The following KLHL8 variants were observed in gnomAD, a reference collection of about 807,000 sequenced individuals.
KLHL8 encodes kelch like family member 8.
Under a neutral mutation model 63.5 loss-of-function variants are expected in KLHL8, and 38 were observed. That is an observed-to-expected ratio of 0.60 (90% CI 0.46 to 0.78). The LOEUF is 0.78. KLHL8 is among the 30% of genes least tolerant of loss of function. The pLI is 0.00. For synonymous variants in KLHL8, 224 were observed against 254.3 expected, an observed-to-expected ratio of 0.88 and a Z score of 1.13; for missense variants, 566 against 752.4, an observed-to-expected ratio of 0.75 and a Z score of 2.90.
At chr4:87,188,286 A>G (rs1025921364) in intron 2 of KLHL8, among the ~76,000 whole-genome samples, 10 of 152,224 alleles carry the variant, frequency 6.6e-5, no homozygotes, top group African/African-American at 2.2e-4. Context: ...TTCAGTTTCT[A>G]TGCAAATATT....
chr4:87,213,636 C>G (rs1732488695), intron 1 of KLHL8, among the ~76,000 whole-genome samples: 1 of 152,114 alleles, frequency 6.6e-6, no homozygotes, highest in Non-Finnish European at 1.5e-5. Context: ...CTCTCTGTGT[C>G]TCAATGTCTT....
At chr4:87,227,516 G>C in intron 1 of KLHL8, among the ~76,000 whole-genome samples, 1 of 152,146 alleles carries the variant, frequency 6.6e-6, no homozygotes, top group East Asian at 1.9e-4. Context: ...CAGTGGTGTT[G>C]GTATGTACCT....
chr4:87,223,625 T>G (rs1041060656), upstream of KLHL8, among the ~76,000 whole-genome samples: 2 of 152,096 alleles, frequency 1.3e-5, no homozygotes, highest in African/African-American at 4.8e-5. Flanking sequence ...AAGATACACC[T>G]AATCTAGAGC....
At chr4:87,236,090 G>T (rs1733222488) in intron 1 of KLHL8, among the ~76,000 whole-genome samples, 1 of 152,108 alleles carries the variant, frequency 6.6e-6, no homozygotes, top group Non-Finnish European at 1.5e-5. Context: ...TTGACACGAG[G>T]TTCAAACAAC....
At chr4:87,172,542 C>T (rs1457366812) in intron 6 of KLHL8, among the ~76,000 whole-genome samples, 1 of 152,120 alleles carries the variant, frequency 6.6e-6, no homozygotes, top group East Asian at 1.9e-4. Flanking sequence ...AAATTTTATC[C>T]CATTCACCAT....
intron 1 of KLHL8, among the ~76,000 whole-genome samples, chr4:87,200,159 A>C (rs991137067): frequency 8.1e-5 from 12 of 148,228 alleles, no homozygotes; most frequent in Non-Finnish European, 1.2e-4. Context: ...AAAAAAAAAA[A>C]AGAAAAAAAA....
At chr4:87,228,499 A>G (rs1438868164) in intron 1 of KLHL8, among the ~76,000 whole-genome samples, 3 of 152,242 alleles carry the variant, frequency 2.0e-5, no homozygotes, top group African/African-American at 7.2e-5. Flanking sequence ...AAACAGTCTC[A>G]CTAAAGACCT....
chr4:87,195,181 T>TAA, intron 2 of KLHL8, 143 bp downstream of exon 2: 1 of 597,528 alleles, frequency 1.7e-6, no homozygotes, highest in South Asian at 2.2e-5. Context: ...TCTCCTACAC[T>TAA]AAAAAAAAAG....
At chr4:87,201,078 T>C (rs936821639) in intron 1 of KLHL8, among the ~76,000 whole-genome samples, 2 of 152,164 alleles carry the variant, frequency 1.3e-5, no homozygotes, top group Non-Finnish European at 2.9e-5. Flanking sequence ...ATATGAGATA[T>C]CTGAAGCAGT....
At chr4:87,219,905 G>A (rs1732755502) in intron 1 of KLHL8, 1 of 152,180 alleles carries the variant, frequency 6.6e-6, no homozygotes, top group East Asian at 1.9e-4. Context: ...CGCGCGGCGT[G>A]GCCCGGAGGT....
rs1209749049 is a variant in KLHL8, at chr4:87,183,330, A to T, written c.825T>A (p.Ile275=). The T allele has an allele frequency of 1.2e-6, 2 of 1,613,168 alleles. No homozygotes were observed. Among genetic ancestry groups the T allele is most frequent in the Non-Finnish European group, 8.5e-7 (1 of 1,179,462 alleles). Residue 275 remains isoleucine (I), a synonymous_variant, in exon 4 of 10, where the codon ATT becomes ATA. Coordinates refer to ENST00000273963, the MANE Select transcript of KLHL8 (RefSeq NM_020803.5). Reference sequence around the variant, plus strand: ...CTCTACATTTTAGATTTTGCTTGACAATCTGTTCTTTTGCCACAACACCCA... The same window carrying T: ...CTCTACATTTTAGATTTTGCTTGACTATCTGTTCTTTTGCCACAACACCCA... ...FLMGVVAKEQ[I]VKQNLKCRDL...
chr4:87,229,269 T>C (rs919653582), intron 1 of KLHL8, among the ~76,000 whole-genome samples: 1 of 152,052 alleles, frequency 6.6e-6, no homozygotes, highest in African/African-American at 2.4e-5. Flanking sequence ...AACTGTTGAA[T>C]AGAAAACAGA....
At chr4:87,181,961 A>T (rs1731067615) in intron 4 of KLHL8, among the ~76,000 whole-genome samples, 1 of 152,044 alleles carries the variant, frequency 6.6e-6, no homozygotes, top group South Asian at 2.1e-4. Flanking sequence ...GGGCGCGATG[A>T]CTCACGCCTG....
At chr4:87,165,172 A>G (rs1730349010) in intron 8 of KLHL8, among the ~76,000 whole-genome samples, 1 of 150,914 alleles carries the variant, frequency 6.6e-6, no homozygotes, top group South Asian at 2.1e-4. Context: ...AAAAAAAAAA[A>G]AGGTCAGAAA....
chr4:87,208,866 A>C (rs543853496), intron 1 of KLHL8, among the ~76,000 whole-genome samples: 1 of 152,296 alleles, frequency 6.6e-6, no homozygotes, highest in African/African-American at 2.4e-5. Context: ...ATTTCTATGA[A>C]AAGGGCTTTA....
At chr4:87,218,090 G>A (rs901360489) in intron 1 of KLHL8, among the ~76,000 whole-genome samples, 3 of 152,058 alleles carry the variant, frequency 2.0e-5, no homozygotes, top group Admixed American at 1.3e-4. Context: ...TGTAATATAC[G>A]TACCACTCTG....
chr4:87,163,875 T>C lies in KLHL8; in HGVS notation c.1739+3A>G. The C allele has an allele frequency of 6.2e-7, 1 of 1,612,792 alleles. No individual in the cohort carries two copies. Among genetic ancestry groups the C allele is most frequent in the Non-Finnish European group, 8.5e-7 (1 of 1,178,946 alleles). On this transcript the variant is annotated splice_donor_region_variant and intron_variant, in intron 9 of 9. Coordinates refer to ENST00000273963, the MANE Select transcript of KLHL8 (RefSeq NM_020803.5). Reference sequence around the variant, plus strand: ...TAAAGCACGGAGACAACATGTAAATTACCTATTCAGCACTGGATCAAACGC... The same window carrying C: ...TAAAGCACGGAGACAACATGTAAATCACCTATTCAGCACTGGATCAAACGC...
rs770663834 is a variant in KLHL8 at position 87,160,878 on chromosome 4, A to G, written c.*2641T>C. The G allele has an allele frequency of 6.6e-6, 1 of 152,180 alleles. No individual in the cohort carries two copies. The highest frequency in any genetic ancestry group is 1.5e-5 in the Non-Finnish European group (1 of 68,036). 9.4% of individuals were successfully genotyped at this position (152,180 alleles called of 1,614,324 possible). ...ATGAGGTTAAAGTGGTAAGTCTCAC[A>G]ATAAAGTAGCCATCTTCTTTGAATA... On this transcript the variant is annotated 3_prime_UTR_variant, in exon 10 of 10. Transcript: ENST00000273963.
intron 1 of KLHL8, among the ~76,000 whole-genome samples, chr4:87,205,321 C>T (rs374631509): frequency 5.9e-5 from 9 of 152,084 alleles, no homozygotes; most frequent in Admixed American, 3.3e-4. Flanking sequence ...GTGGGAGGAT[C>T]GCTTGAGCCC....
Sources: allele counts gnomAD v4.1 joint callset (sites outside exome capture counted in the v4.1 genomes callset), GRCh38; gene constraint gnomAD v4.1.1; transcripts MANE v1.5; gene names NCBI Gene and HGNC (gene_info 2026-07-23, HGNC 2026-07-21).